Variants in NRIP1 observed in about 807,000 individuals in gnomAD.
NRIP1 encodes nuclear receptor-interacting protein 1.
NRIP1 carries 28 observed loss-of-function variants against 75.0 expected under a neutral mutation model. The ratio of observed to expected loss-of-function variants is 0.37; its 90% CI spans 0.28 to 0.51. NRIP1 has a LOEUF of 0.51. Ranked by LOEUF, NRIP1 falls within the 20% of genes least tolerant of loss-of-function variation. The probability of loss-of-function intolerance (pLI) is 0.92; values close to 1 mark genes in which losing one functional copy is unlikely to be tolerated. For missense variants in NRIP1, 1,435 were observed against 1,343.7 expected (o/e 1.07, Z -1.06); for synonymous variants, 526 against 487.6 (o/e 1.08, Z -1.04).
At chr21:15,051,123 T>C in intron 1 of NRIP1, 1 of 352,734 alleles carries the variant, frequency 2.8e-6, no homozygotes. Context: ...CTTTGGCCCC[T>C]AGACCAACAC....
intron 2 of NRIP1, among the ~76,000 whole-genome samples, chr21:15,035,694 T>A (rs558904350): frequency 1.2e-4 from 18 of 152,026 alleles, no homozygotes; most frequent in African/African-American, 4.3e-4. Context: ...GTAGCTGGGA[T>A]TACAGTTGTG....
intron 2 of NRIP1, among the ~76,000 whole-genome samples, chr21:15,028,139 C>CT (rs902063023): frequency 1.3e-5 from 2 of 152,086 alleles, no homozygotes; most frequent in East Asian, 1.9e-4. Context: ...TTATAAGGTG[C>CT]TTTTTTGGCA....
In NRIP1 at chr21:14,963,365, T is replaced by G. The variant is rs2086639343; in HGVS notation, c.*1351A>C. On this transcript the variant is annotated 3_prime_UTR_variant, in exon 4 of 4. Transcript: ENST00000318948. ...ATCCCTAAGGCTAACTAAGTAGATG[T>G]TACTCATTAGAACACACAAATAATC... is the stretch of plus-strand genomic sequence containing the variant. 1 of 152,506 alleles carries G rather than the reference T, an allele frequency of 6.6e-6. No homozygotes were observed. The highest frequency in any genetic ancestry group is 6.6e-5 in the Admixed American group (1 of 15,246). The allele number at this position is 152,506 out of a possible 1,614,324, so 9.4% of individuals were successfully genotyped here.
intron 2 of NRIP1, among the ~76,000 whole-genome samples, 200 bp downstream of exon 2, chr21:15,043,295 A>G (rs1420647331): frequency 6.6e-6 from 1 of 152,252 alleles, no homozygotes; most frequent in African/African-American, 2.4e-5. Flanking sequence ...ACTCTAAACC[A>G]GACGTTTTAT....
chr21:14,971,885 T>C (rs2086910616), intron 3 of NRIP1, among the ~76,000 whole-genome samples: 1 of 152,232 alleles, frequency 6.6e-6, no homozygotes, highest in Non-Finnish European at 1.5e-5. Context: ...GGAAGATGAA[T>C]AATTGCTTCC....
intron 3 of NRIP1, among the ~76,000 whole-genome samples, chr21:14,973,138 A>G (rs35324633): frequency 0.15 from 23,037 of 152,226 alleles, 1,840 homozygotes; most frequent in East Asian, 0.26. Flanking sequence ...AGTAAGGGAG[A>G]GACTTTACTT....
At chr21:15,033,696 T>C (rs537452756) in intron 2 of NRIP1, among the ~76,000 whole-genome samples, 1 of 152,332 alleles carries the variant, frequency 6.6e-6, no homozygotes, top group African/African-American at 2.4e-5. Context: ...ACATACATTA[T>C]TTCACTTAAT....
intron 3 of NRIP1, among the ~76,000 whole-genome samples, chr21:15,008,979 G>A (rs1039656355): frequency 6.6e-6 from 1 of 152,164 alleles, no homozygotes; most frequent in East Asian, 1.9e-4. Flanking sequence ...CAGTTGATAT[G>A]AATCTCATAA....
intron 2 of NRIP1, among the ~76,000 whole-genome samples, chr21:15,028,606 C>A (rs912282516): frequency 2.0e-5 from 3 of 152,174 alleles, no homozygotes; most frequent in African/African-American, 7.2e-5. Context: ...ATTTTTAACA[C>A]TAACGTAGGC....
intron 3 of NRIP1, among the ~76,000 whole-genome samples, chr21:15,007,973 C>T (rs1368773266): frequency 7.2e-5 from 11 of 152,246 alleles, no homozygotes; most frequent in South Asian, 2.1e-4. Context: ...AATCAAGTGT[C>T]GGAACTAGCA....
intron 1 of NRIP1, among the ~76,000 whole-genome samples, chr21:15,056,516 T>TA (rs1481082100): frequency 6.6e-6 from 1 of 152,072 alleles, no homozygotes; most frequent in Admixed American, 6.6e-5. Flanking sequence ...CATTTTTTTT[T>TA]AAAAAGCATG....
chr21:15,003,533 C>T (rs570562192), intron 3 of NRIP1, among the ~76,000 whole-genome samples: 16 of 152,300 alleles, frequency 1.1e-4, no homozygotes, highest in African/African-American at 3.6e-4. Context: ...CATTTCTCCA[C>T]CTGGCTCATG....
chr21:14,966,041 C>T lies in NRIP1; in HGVS notation c.2152G>A (p.Gly718Arg). The change falls in exon 4 of 4, where the codon GGG becomes AGG. Residue 718 changes from glycine (G) to arginine (R), a missense_variant. Physicochemically the swap from Gly to Arg is moderately radical, Grantham distance 125. Transcript: ENST00000318948. The stretch of plus-strand genomic sequence containing the variant: ...TCACTCTTCCCTTTGTTGGGGTTCC[C>T]CAGGAGCAACTGGAGGACAGTACGT... ...ERRTVLQLLL[G>R]NPNKGKSEKK... The T allele has an allele frequency of 1.2e-6, 2 of 1,612,740 alleles. No individual in the cohort carries two copies. The highest frequency in any genetic ancestry group is 1.7e-6 in the Non-Finnish European group (2 of 1,179,802).
chr21:14,987,246 A>T (rs1157337149), intron 3 of NRIP1, among the ~76,000 whole-genome samples: 1 of 152,198 alleles, frequency 6.6e-6, no homozygotes, highest in Non-Finnish European at 1.5e-5. Flanking sequence ...TGTTTCATAG[A>T]GCCCCTGGGC....
intron 2 of NRIP1, among the ~76,000 whole-genome samples, chr21:15,034,722 T>A (rs951149244): frequency 1.3e-5 from 2 of 152,146 alleles, no homozygotes; most frequent in Non-Finnish European, 2.9e-5. Context: ...AGATGTTAAG[T>A]GGTTCAAACT....
intron 2 of NRIP1, among the ~76,000 whole-genome samples, chr21:15,031,125 A>G (rs2088671591): frequency 7.7e-6 from 1 of 129,922 alleles, no homozygotes; most frequent in African/African-American, 2.8e-5. Context: ...CTATGTGTAT[A>G]CACTCTGGAA....
chr21:15,024,707 G>GT (rs1198870015), intron 2 of NRIP1, among the ~76,000 whole-genome samples: 1 of 151,998 alleles, frequency 6.6e-6, no homozygotes, highest in Non-Finnish European at 1.5e-5. Context: ...TGGTGTCACT[G>GT]TGGAGTGGAA....
chr21:15,031,798 A>G (rs71317606), intron 2 of NRIP1, among the ~76,000 whole-genome samples: 7 of 113,140 alleles, frequency 6.2e-5, no homozygotes, highest in East Asian at 2.8e-4. Context: ...CGCTCGGAGG[A>G]TCACCACATT....
intron 1 of NRIP1, among the ~76,000 whole-genome samples, chr21:15,046,181 C>T (rs1194291017): frequency 6.6e-6 from 1 of 152,210 alleles, no homozygotes; most frequent in African/African-American, 2.4e-5. Context: ...CCAGATCCAT[C>T]AGAGGAATCA....
Sources: allele counts gnomAD v4.1 joint callset (sites outside exome capture counted in the v4.1 genomes callset), GRCh38; gene constraint gnomAD v4.1.1; transcripts MANE v1.5; gene names NCBI Gene and HGNC (gene_info 2026-07-23, HGNC 2026-07-21).